ACE: variants seen among roughly 807,000 people sequenced by gnomAD.
The protein encoded by ACE is angiotensin-converting enzyme.
Under a neutral mutation model 162.3 loss-of-function variants are expected in ACE, and 122 were observed. That is an observed-to-expected ratio of 0.75 (90% CI 0.65 to 0.87). The LOEUF (loss-of-function observed/expected upper bound fraction) is 0.87, where lower values mean the gene tolerates loss of function less well. ACE is among the 40% of genes least tolerant of loss of function. ACE has a pLI of 0.00. For missense variants in ACE, 1,799 were observed against 1,735.1 expected (o/e 1.04, Z -0.65); for synonymous variants, 796 against 720.6 (o/e 1.10, Z -1.68).
In ACE at chr17:63,479,760, G is replaced by C. The variant is rs766210398; in HGVS notation, c.512-9G>C. 2 of 1,613,144 alleles carry C rather than the reference G, an allele frequency of 1.2e-6. No individual in the cohort carries two copies. The highest frequency in any genetic ancestry group is 4.5e-5 in the East Asian group (2 of 44,888). Reference sequence around the variant, plus strand: ...GCCTCCTCACCGACCCTGCCTGCCTGTGTCTCAGATCTCACCAACATCCTG... The same window carrying C: ...GCCTCCTCACCGACCCTGCCTGCCTCTGTCTCAGATCTCACCAACATCCTG... On this transcript the variant is annotated splice_polypyrimidine_tract_variant and intron_variant, in intron 3 of 24. Transcript: ENST00000290866.
rs755651472 is a variant in ACE, at chr17:63,491,070, G to C, written c.2739+19G>C. Reference sequence around the variant, plus strand: ...AAAGCAGGTCCGCACCAGCCCAGGGGCAGGGAGGCCCCGCCGGGATGGGAG... The same window carrying C: ...AAAGCAGGTCCGCACCAGCCCAGGGCCAGGGAGGCCCCGCCGGGATGGGAG... On this transcript the variant is annotated intron_variant, in intron 18 of 24. Transcript: ENST00000290866. The surrounding 1 kb of genome is among the most constrained non-coding windows in gnomAD (Gnocchi z 4.4). 1.2e-5 allele frequency: 20 copies of C among 1,613,798 alleles called. 3 individuals are homozygous for C. In the South Asian group the frequency reaches 2.2e-4, roughly 18 times the overall value.
At position 63,483,569 on chromosome 17, in the gene ACE, C is replaced by CCCCACCCCA. The variant is rs2029861111; in HGVS notation, c.1586+20_1586+28dup. On this transcript the variant is annotated intron_variant, in intron 10 of 24. Transcript: ENST00000290866. ...GACACCATACATCAGGTATTAGCGCCCCCACCCCACCCACCCCCAGTACTG... is the reference window on the plus strand; with the variant it reads ...GACACCATACATCAGGTATTAGCGCCCCCACCCCACCCACCCCACCCACCCCCAGTACTG... 1.2e-6 allele frequency: 1 copy of CCCCACCCCA among 805,832 alleles called. No homozygotes were observed. Among genetic ancestry groups the CCCCACCCCA allele is most frequent in the Non-Finnish European group, 2.0e-6 (1 of 507,778 alleles). 49.9% of individuals were successfully genotyped at this position (805,832 alleles called of 1,614,324 possible).
At chr17:63,487,824 G>A (rs2147551322) in intron 15 of ACE, among the ~76,000 whole-genome samples, 1 of 152,282 alleles carries the variant, frequency 6.6e-6, no homozygotes, top group South Asian at 2.1e-4. Context: ...CCCCAGCCCA[G>A]CTCCCACATT....
At chr17:63,494,147 G>A (rs2030577175) in intron 21 of ACE, 81 bp downstream of exon 21, 1 of 1,573,132 alleles carries the variant, frequency 6.4e-7, no homozygotes, top group South Asian at 1.1e-5. Flanking sequence ...GATGGGCCAG[G>A]GTAGGGGAGT....
chr17:63,487,298 C>T (rs1269527488), intron 15 of ACE, among the ~76,000 whole-genome samples: 2 of 152,144 alleles, frequency 1.3e-5, no homozygotes, highest in Non-Finnish European at 2.9e-5. Context: ...CAGAACCGCC[C>T]TCTGCTTAAG....
chr17:63,483,300 C>T lies in ACE; in HGVS notation c.1487+127C>T, dbSNP rs12709425. The T allele has an allele frequency of 3.8e-3, 5,854 of 1,538,894 alleles. 168 individuals carry two copies. In the African/African-American group the frequency reaches 0.068, roughly 18 times the overall value. ...AATGATGTCCCCCGCTGTGACCCAC[C>T]GCCTTCTCCTTTCCTGCCTGAAACT... On this transcript the variant is annotated intron_variant, in intron 9 of 24. Coordinates refer to ENST00000290866, the MANE Select transcript of ACE (RefSeq NM_000789.4).
intron 17 of ACE, chr17:63,490,630 G>T: frequency 2.5e-6 from 1 of 405,744 alleles, no homozygotes. Context: ...CCACCGGGGT[G>T]TAGGTGTTCT....
chr17:63,485,021 A>G, intron 12 of ACE: 1 of 1,590,018 alleles, frequency 6.3e-7, no homozygotes, highest in Non-Finnish European at 8.6e-7. Flanking sequence ...CAGCCAGACA[A>G]CCACCCACCA....
intron 10 of ACE, 32 bp from the exon 11 acceptor site, chr17:63,483,817 G>T: frequency 6.2e-7 from 1 of 1,613,668 alleles, no homozygotes; most frequent in Non-Finnish European, 8.5e-7. Flanking sequence ...GGCCCCCCAT[G>T]ATCTTCCCTG....
At chr17:63,494,144 C>G in intron 21 of ACE, 78 bp downstream of exon 21, 3 of 1,580,950 alleles carry the variant, frequency 1.9e-6, no homozygotes, top group Non-Finnish European at 1.7e-6. Flanking sequence ...CTGGATGGGC[C>G]AGGGTAGGGG....
Position 63,484,063 on chromosome 17 carries a change from G to A in ACE, c.1709+92G>A, listed in dbSNP as rs2029861620. 6.6e-7 allele frequency: 1 copy of A among 1,526,316 alleles called. No homozygotes were observed. The highest frequency in any genetic ancestry group is 1.4e-5 in the African/African-American group (1 of 72,956). The allele number at this position is 1,526,316 out of a possible 1,614,324, so 94.5% of individuals were successfully genotyped here. ...GGTGTCTGGCTGCTCTGATGGGGTG[G>A]GGGGCACCAACCACAGAGCTGGACT... On this transcript the variant is annotated intron_variant, in intron 11 of 24. Coordinates refer to ENST00000290866, the MANE Select transcript of ACE (RefSeq NM_000789.4). The surrounding 1 kb of genome is among the most constrained non-coding windows in gnomAD (Gnocchi z 4.0).
At chr17:63,487,883 G>T (rs867573538) in intron 15 of ACE, among the ~76,000 whole-genome samples, 2 of 152,212 alleles carry the variant, frequency 1.3e-5, no homozygotes, top group Non-Finnish European at 2.9e-5. Context: ...AGGAGAAACG[G>T]TTTTCCCAGG....
chr17:63,497,924 C>G lies in ACE; in HGVS notation c.*558C>G, dbSNP rs1321445998. 1 of 216,284 alleles carries G rather than the reference C, an allele frequency of 4.6e-6. No homozygotes were observed. The highest frequency in any genetic ancestry group is 1.4e-4 in the East Asian group (1 of 7,270). 13.4% of individuals were successfully genotyped at this position (216,284 alleles called of 1,614,324 possible). On this transcript the variant is annotated 3_prime_UTR_variant, in exon 25 of 25. Transcript: ENST00000290866. ...CCTCACATTTCCACTGGCAGTGGAG[C>G]CTTTCCCTGCTCCACAAATGGCCAG...
intron 19 of ACE, 108 bp from the exon 20 acceptor site, chr17:63,493,328 T>C (rs970408605): frequency 9.6e-7 from 1 of 1,038,166 alleles, no homozygotes. Context: ...CCCTGCATGC[T>C]GCAGTGCTGG....
Position 63,491,324 on chromosome 17 carries a change from G to C in ACE, c.2855G>C (p.Gly952Ala). 1.2e-6 allele frequency: 2 copies of C among 1,614,182 alleles called. No individual in the cohort carries two copies. Among genetic ancestry groups the C allele is most frequent in the Non-Finnish European group, 1.7e-6 (2 of 1,180,036 alleles). Reference protein sequence around the residue: ...NKSMLEKPTDGREVVCHASAW... With the variant: ...NKSMLEKPTDAREVVCHASAW... ...TCGATGCTGGAGAAGCCAACCGACG[G>C]GCGGGAGGTGGTCTGCCACGCCTCG... The change falls in exon 19 of 25, where the codon GGG (glycine) becomes GCG (alanine). Residue 952 changes from glycine to alanine, a missense_variant. Coordinates refer to ENST00000290866, the MANE Select transcript of ACE (RefSeq NM_000789.4). The surrounding 1 kb of genome is among the most constrained non-coding windows in gnomAD (Gnocchi z 4.4).
At chr17:63,488,330 G>T (rs1435968087) in intron 15 of ACE, among the ~76,000 whole-genome samples, 4 of 143,126 alleles carry the variant, frequency 2.8e-5, no homozygotes, top group African/African-American at 1.1e-4. Context: ...CTGCACTCCA[G>T]CCTGGGCAAC....
At position 63,493,512 on chromosome 17, in the gene ACE, A is replaced by G. The variant is rs745486055; in HGVS notation, c.2989A>G (p.Met997Val). The G allele has an allele frequency of 1.9e-6, 3 of 1,613,864 alleles. No individual in the cohort carries two copies. In the African/African-American group the frequency reaches 4.0e-5, roughly 22 times the overall value. The stretch of plus-strand genomic sequence containing the variant: ...CGAAATGGGCCACATCCAGTATTTC[A>G]TGCAGTACAAAGACTTACCTGTGGC... ...HHEMGHIQYF[M>V]QYKDLPVALR... Residue 997 changes from methionine to valine, a missense_variant, in exon 20 of 25, where the codon ATG becomes GTG. Transcript: ENST00000290866.
In ACE at chr17:63,484,991, A is replaced by T; in HGVS notation, c.1922-245A>T. On this transcript the variant is annotated intron_variant, in intron 12 of 24. Transcript: ENST00000290866. The surrounding 1 kb of genome is among the most constrained non-coding windows in gnomAD (Gnocchi z 4.0). Reference sequence around the variant, plus strand: ...ACAGGTGACAGTCACCCATGGGACAAGCAGCCAGGCAACAACCAGCAGCCA... The same window carrying T: ...ACAGGTGACAGTCACCCATGGGACATGCAGCCAGGCAACAACCAGCAGCCA... 1 of 1,609,884 alleles carries T rather than the reference A, an allele frequency of 6.2e-7. No homozygotes were observed. The highest frequency in any genetic ancestry group is 1.1e-5 in the South Asian group (1 of 90,234).
In ACE at chr17:63,484,890, C is replaced by T; in HGVS notation, c.1922-346C>T. On this transcript the variant is annotated intron_variant, in intron 12 of 24. Transcript: ENST00000290866. This position sits in a 1 kb window ranked among gnomAD's most constrained non-coding sequence, Gnocchi z 4.0. Reference sequence around the variant, plus strand: ...GCCATGGGCCAGGGTTGGGCTACTGCAGGACTTCCCAGCCTCCTCTTCCTG... The same window carrying T: ...GCCATGGGCCAGGGTTGGGCTACTGTAGGACTTCCCAGCCTCCTCTTCCTG... 3.8e-6 allele frequency: 6 copies of T among 1,589,616 alleles called. No homozygotes were observed. The highest frequency in any genetic ancestry group is 5.1e-6 in the Non-Finnish European group (6 of 1,167,962).
Sources: allele counts gnomAD v4.1 joint callset (sites outside exome capture counted in the v4.1 genomes callset), GRCh38; gene constraint gnomAD v4.1.1; non-coding constraint Gnocchi (gnomAD v3.1); transcripts MANE v1.5; gene names NCBI Gene and HGNC (gene_info 2026-07-23, HGNC 2026-07-21).